TSNARE1: variants seen among roughly 807,000 people sequenced by gnomAD.
The protein encoded by TSNARE1 is t-SNARE domain-containing protein 1.
TSNARE1 carries 49 observed loss-of-function variants against 62.0 expected under a neutral mutation model. The ratio of observed to expected loss-of-function variants is 0.79; its 90% CI spans 0.63 to 1.00. TSNARE1 has a LOEUF of 1.00. Among genes scored for constraint, TSNARE1 ranks in the 50% least tolerant of loss-of-function variants. TSNARE1 has a pLI of 0.00. For missense variants in TSNARE1, 755 were observed against 700.1 expected (o/e 1.08, Z -0.88); for synonymous variants, 328 against 294.4 (o/e 1.11, Z -1.17).
chr8:142,305,011 C>T (rs949940211), intron 9 of TSNARE1, among the ~76,000 whole-genome samples: 2 of 152,204 alleles, frequency 1.3e-5, no homozygotes, highest in South Asian at 2.1e-4. Flanking sequence ...CGGGGCAGCC[C>T]GGCTGGTGTG....
chr8:142,256,036 GTCACCACCACCGTCACCA>G (rs1336092617), intron 12 of TSNARE1, among the ~76,000 whole-genome samples: 1 of 35,016 alleles, frequency 2.9e-5, no homozygotes, highest in East Asian at 1.1e-3. Context: ...CACTGTCACC[GTCACCACCACCGTCACCA>G]TCACCACCAC....
At chr8:142,267,602 A>C (rs909047671) in intron 12 of TSNARE1, among the ~76,000 whole-genome samples, 2 of 152,132 alleles carry the variant, frequency 1.3e-5, no homozygotes, top group African/African-American at 4.8e-5. Flanking sequence ...TCTGTCTGTA[A>C]AATGGGGGAC....
intron 1 of TSNARE1, among the ~76,000 whole-genome samples, chr8:142,369,128 G>A (rs185561983): frequency 3.2e-4 from 48 of 152,336 alleles, no homozygotes; most frequent in African/African-American, 1.2e-3. Flanking sequence ...ACTGCTGCAG[G>A]AGGGGAAACA....
At chr8:142,289,394 T>C (rs1291089547) in intron 10 of TSNARE1, among the ~76,000 whole-genome samples, 2 of 152,146 alleles carry the variant, frequency 1.3e-5, no homozygotes, top group Non-Finnish European at 2.9e-5. Context: ...ATAGCAAGCC[T>C]GGGGCCCCTC....
intron 12 of TSNARE1, among the ~76,000 whole-genome samples, chr8:142,255,002 C>T: frequency 6.6e-6 from 1 of 152,072 alleles, no homozygotes; most frequent in Non-Finnish European, 1.5e-5. Flanking sequence ...GGGGGATAGA[C>T]TTGAGCCACC....
At position 142,274,867 on chromosome 8, in the gene TSNARE1, C is replaced by T; in HGVS notation, c.1364-4G>A. 6.5e-7 allele frequency: 1 copy of T among 1,548,732 alleles called. No individual in the cohort carries two copies. Among genetic ancestry groups the T allele is most frequent in the Non-Finnish European group, 8.7e-7 (1 of 1,146,466 alleles). ...TCAAGGCTGGCTTCAATACTATCTGCAAATCAAGACAACAGAAGGCAATTA... is the reference window on the plus strand; with the variant it reads ...TCAAGGCTGGCTTCAATACTATCTGTAAATCAAGACAACAGAAGGCAATTA... On this transcript the variant is annotated splice_polypyrimidine_tract_variant and splice_region_variant and intron_variant, in intron 11 of 13. Transcript: ENST00000524325.
chr8:142,348,982 G>A (rs1833742670), intron 2 of TSNARE1, among the ~76,000 whole-genome samples: 1 of 152,156 alleles, frequency 6.6e-6, no homozygotes, highest in Non-Finnish European at 1.5e-5. Context: ...TACACCCATG[G>A]GGAATTTGTC....
rs373268107 is a variant in TSNARE1 at position 142,344,226 on chromosome 8, C to G, written c.485G>C (p.Arg162Pro). ...GGCCTGCAGGATGCGGCTCCACACG[C>G]GGTACCTGCGAGTGGGCTCGGCCTT... ...LLKAEPTRRY[R>P]VWSRILQAVN... The change falls in exon 4 of 14, where the codon CGC (arginine) becomes CCC (proline). Residue 162 changes from arginine to proline, a missense_variant. Physicochemically the swap from Arg to Pro is moderately radical, Grantham distance 103. Transcript: ENST00000524325. 6.2e-7 allele frequency: 1 copy of G among 1,613,344 alleles called. No individual in the cohort carries two copies. The highest frequency in any genetic ancestry group is 8.5e-7 in the Non-Finnish European group (1 of 1,179,730).
At chr8:142,282,578 G>A (rs1380989967) in intron 11 of TSNARE1, among the ~76,000 whole-genome samples, 5 of 151,078 alleles carry the variant, frequency 3.3e-5, no homozygotes, top group Non-Finnish European at 7.4e-5. Context: ...AATGAGCGGA[G>A]GTGGGGCCAG....
At chr8:142,381,274 T>A (rs1339581103) in intron 1 of TSNARE1, among the ~76,000 whole-genome samples, 1 of 152,250 alleles carries the variant, frequency 6.6e-6, no homozygotes, top group South Asian at 2.1e-4. Context: ...CCCAAGGCCA[T>A]GTCTCAGCCA....
At position 142,377,405 on chromosome 8, in the gene TSNARE1, C is replaced by A. The variant is rs528188419; in HGVS notation, c.-39-22642G>T. 2.0e-5 allele frequency among the ~76,000 whole-genome samples: 3 copies of A among 151,438 alleles called. No individual in the cohort carries two copies. The East Asian group carries it at 5.8e-4, about 29-fold the overall frequency. On this transcript the variant is annotated intron_variant, in intron 1 of 13. Transcript: ENST00000524325. ...ATGCAACATAGGCAAAATTAAAAGGCAAAAGATAAAGTGACAACATATTTG... is the reference window on the plus strand; with the variant it reads ...ATGCAACATAGGCAAAATTAAAAGGAAAAAGATAAAGTGACAACATATTTG...
chr8:142,371,863 T>G (rs1248109556), intron 1 of TSNARE1, among the ~76,000 whole-genome samples: 1 of 152,220 alleles, frequency 6.6e-6, no homozygotes, highest in Non-Finnish European at 1.5e-5. Context: ...AAAGCTTTGC[T>G]GGCACACAGC....
intron 12 of TSNARE1, among the ~76,000 whole-genome samples, chr8:142,250,337 G>C (rs977761677): frequency 6.6e-6 from 1 of 152,196 alleles, no homozygotes; most frequent in African/African-American, 2.4e-5. Flanking sequence ...CCCTGGAGTA[G>C]GAGCGAGTTA....
chr8:142,384,276 C>T (rs1250712522), intron 1 of TSNARE1, among the ~76,000 whole-genome samples: 1 of 152,196 alleles, frequency 6.6e-6, no homozygotes, highest in Non-Finnish European at 1.5e-5. Context: ...ACATCCCCAT[C>T]CCCTGCCTCT....
intron 11 of TSNARE1, chr8:142,277,984 C>G: frequency 1.0e-6 from 1 of 985,432 alleles, no homozygotes; most frequent in Non-Finnish European, 1.2e-6. Context: ...CCATAGGACC[C>G]TTGGCTGCAA....
At chr8:142,313,096 AT>A (rs1827866190) in intron 9 of TSNARE1, among the ~76,000 whole-genome samples, 1 of 150,142 alleles carries the variant, frequency 6.7e-6, no homozygotes, top group African/African-American at 2.5e-5. Flanking sequence ...GCATCTCTTC[AT>A]GTCTGCGTGA....
intron 1 of TSNARE1, among the ~76,000 whole-genome samples, chr8:142,361,335 C>T (rs1835142164): frequency 6.6e-6 from 1 of 152,212 alleles, no homozygotes; most frequent in African/African-American, 2.4e-5. Context: ...TGTGCCGGGT[C>T]AGTGAGGGCA....
chr8:142,390,727 G>T (rs375200249), intron 1 of TSNARE1, among the ~76,000 whole-genome samples: 1 of 13,050 alleles, frequency 7.7e-5, no homozygotes, highest in Non-Finnish European at 1.2e-4. Flanking sequence ...TGTACACTGC[G>T]GGGGACTCCG....
chr8:142,364,430 C>T (rs1319605222), intron 1 of TSNARE1, among the ~76,000 whole-genome samples: 3 of 152,190 alleles, frequency 2.0e-5, no homozygotes, highest in South Asian at 4.1e-4. Flanking sequence ...ATTTACATAG[C>T]TGAGTGTGTA....
Sources: allele counts gnomAD v4.1 joint callset (sites outside exome capture counted in the v4.1 genomes callset), GRCh38; gene constraint gnomAD v4.1.1; transcripts MANE v1.5; gene names NCBI Gene and HGNC (gene_info 2026-07-23, HGNC 2026-07-21).